Variants in FSTL4 observed in about 807,000 individuals in gnomAD.
The protein encoded by FSTL4 is follistatin-related protein 4.
FSTL4 carries 28 observed loss-of-function variants against 78.2 expected under a neutral mutation model. The ratio of observed to expected loss-of-function variants is 0.36; its 90% CI spans 0.27 to 0.49. FSTL4 has a LOEUF of 0.49. Ranked by LOEUF, FSTL4 falls within the 20% of genes least tolerant of loss-of-function variation. FSTL4 has a pLI of 0.98. For synonymous variants in FSTL4, 422 were observed against 440.5 expected (o/e 0.96, Z 0.53); for missense variants, 922 against 1,084.9 (o/e 0.85, Z 2.11).
chr5:133,500,629 T>C (rs1758474317), intron 3 of FSTL4, among the ~76,000 whole-genome samples: 1 of 152,206 alleles, frequency 6.6e-6, no homozygotes. Flanking sequence ...ATGAAGGTGT[T>C]AATTTTCCAA....
the FSTL4 span, among the ~76,000 whole-genome samples, chr5:133,694,514 C>T: frequency 6.6e-6 from 1 of 152,266 alleles, no homozygotes; most frequent in African/African-American, 2.4e-5. Flanking sequence ...TTCCTCTTCT[C>T]CTGGCGCTCA....
At chr5:133,301,173 C>T (rs1753529856) in intron 6 of FSTL4, among the ~76,000 whole-genome samples, 1 of 152,182 alleles carries the variant, frequency 6.6e-6, no homozygotes, top group African/African-American at 2.4e-5. Context: ...CAGAGTCACA[C>T]ATCATGGGGG....
At chr5:133,806,311 A>T in the FSTL4 span, among the ~76,000 whole-genome samples, 1 of 152,160 alleles carries the variant, frequency 6.6e-6, no homozygotes, top group African/African-American at 2.4e-5. Context: ...GAAAGCAGAG[A>T]GTTGGCCCAT....
rs560153644 is a variant in FSTL4, at chr5:133,199,665, G to A, written c.1959C>T (p.Gly653=). Residue 653 remains glycine (G), a synonymous_variant, in exon 16 of 16, where the codon GGC becomes GGT. Transcript: ENST00000265342. The surrounding 1 kb of genome is among the most constrained non-coding windows in gnomAD (Gnocchi z 4.4). The part of the protein sequence containing the change: ...VPQAMAHTHL[G]GYFFIQCRQD... ...GTCGGCACTGGATGAAGAAGTAGCC[G>A]CCCAGGTGGGTGTGTGCCATGGCCT... 23 of 1,614,150 alleles carry A rather than the reference G, an allele frequency of 1.4e-5. No homozygotes were observed. The highest frequency in any genetic ancestry group is 3.3e-4 in the Middle Eastern group (2 of 6,062).
At chr5:133,546,128 G>A (rs1230722573) in intron 3 of FSTL4, among the ~76,000 whole-genome samples, 1 of 152,160 alleles carries the variant, frequency 6.6e-6, no homozygotes, top group African/African-American at 2.4e-5. Flanking sequence ...AGTGAGAGAG[G>A]AAAAAGTGAC....
the FSTL4 span, among the ~76,000 whole-genome samples, chr5:133,673,506 A>G: frequency 2.0e-5 from 3 of 152,216 alleles, no homozygotes; most frequent in African/African-American, 7.2e-5. Context: ...AAACCGCTTC[A>G]ACTCAAAGGT....
At chr5:133,303,572 G>A (rs375663783) in intron 6 of FSTL4, among the ~76,000 whole-genome samples, 24 of 152,276 alleles carry the variant, frequency 1.6e-4, no homozygotes, top group Admixed American at 5.2e-4. Flanking sequence ...ACTATGTCCC[G>A]TGTGAGTGGA....
chr5:133,435,634 G>C (rs1757019646), intron 3 of FSTL4, among the ~76,000 whole-genome samples: 1 of 152,138 alleles, frequency 6.6e-6, no homozygotes, highest in African/African-American at 2.4e-5. Flanking sequence ...TGCTGTGTTA[G>C]GTTAGCACTA....
chr5:133,524,794 A>T (rs1218263876), intron 3 of FSTL4, among the ~76,000 whole-genome samples: 1 of 152,208 alleles, frequency 6.6e-6, no homozygotes, highest in Non-Finnish European at 1.5e-5. Context: ...AAAGGCAGCC[A>T]TCCCGCTGCC....
At chr5:133,540,471 C>CG (rs1459175178) in intron 3 of FSTL4, among the ~76,000 whole-genome samples, 1 of 152,056 alleles carries the variant, frequency 6.6e-6, no homozygotes, top group East Asian at 1.9e-4. Flanking sequence ...AAAAGTCCTC[C>CG]TTTTTTTCCT....
chr5:133,662,456 C>T, the FSTL4 span, among the ~76,000 whole-genome samples: 3 of 152,150 alleles, frequency 2.0e-5, no homozygotes, highest in Non-Finnish European at 2.9e-5. Context: ...TCAGACAACC[C>T]TAGCATACAG....
At chr5:133,380,259 C>CA (rs59233042) in intron 4 of FSTL4, among the ~76,000 whole-genome samples, 5,502 of 144,738 alleles carry the variant, frequency 0.038, 293 homozygotes, top group African/African-American at 0.12. Flanking sequence ...TTGGTTCTTT[C>CA]AAAAAAAAAA....
At chr5:133,702,759 A>G in the FSTL4 span, among the ~76,000 whole-genome samples, 1 of 152,208 alleles carries the variant, frequency 6.6e-6, no homozygotes, top group Non-Finnish European at 1.5e-5. Flanking sequence ...GTTAGGTAAA[A>G]TCTTGGAGAG....
chr5:133,413,701 A>G lies in FSTL4; in HGVS notation c.161-12715T>C, dbSNP rs894408362. On this transcript the variant is annotated intron_variant, in intron 3 of 15. Transcript: ENST00000265342. ...CTACAAATTTTCATTCTATTTAAGT[A>G]TCTCTTATCTCTTTCGCATTTCCCA... Among the ~76,000 whole-genome samples the G allele has an allele frequency of 3.9e-5, 6 of 152,054 alleles. No homozygotes were observed. The East Asian group carries it at 1.2e-3, about 29-fold the overall frequency.
At chr5:133,366,601 T>C (rs146740741) in intron 4 of FSTL4, among the ~76,000 whole-genome samples, 2 of 152,204 alleles carry the variant, frequency 1.3e-5, no homozygotes, top group Non-Finnish European at 2.9e-5. Flanking sequence ...TGCTTCCCCA[T>C]GTCCCTTTCC....
In FSTL4 at chr5:133,611,617, T is replaced by C. The variant is rs979339523; in HGVS notation, c.-11+708A>G. 1.3e-5 allele frequency among the ~76,000 whole-genome samples: 2 copies of C among 152,082 alleles called. No individual in the cohort carries two copies. The highest frequency in any genetic ancestry group is 4.8e-5 in the African/African-American group (2 of 41,426). ...CCAACACACTGCTCCCTAGACACGT[T>C]CAAGCGGGTACCCCGGGCCGCTCAC... On this transcript the variant is annotated intron_variant, in intron 1 of 15. Coordinates refer to ENST00000265342, the MANE Select transcript of FSTL4 (RefSeq NM_015082.2). The surrounding 1 kb of genome is among the most constrained non-coding windows in gnomAD (Gnocchi z 4.9).
In FSTL4 at chr5:133,210,221, C is replaced by G; in HGVS notation, c.1686G>C (p.Gly562=). ...SHDQVWVLSW[G]DVHKSRPSLQ... Reference sequence around the variant, plus strand: ...GACTTGGTCGGGACTTGTGCACGTCCCCCCAGCTCAGGACCCACACTTGGT... The same window carrying G: ...GACTTGGTCGGGACTTGTGCACGTCGCCCCAGCTCAGGACCCACACTTGGT... The change falls in exon 14 of 16, where the codon GGG becomes GGC. Residue 562 remains glycine (G), a synonymous_variant. Transcript: ENST00000265342. 1 of 1,610,660 alleles carries G rather than the reference C, an allele frequency of 6.2e-7. No homozygotes were observed. The highest frequency in any genetic ancestry group is 8.5e-7 in the Non-Finnish European group (1 of 1,177,032).
At chr5:133,292,696 C>A (rs1753294167) in intron 6 of FSTL4, among the ~76,000 whole-genome samples, 1 of 150,784 alleles carries the variant, frequency 6.6e-6, no homozygotes, top group Admixed American at 6.6e-5. Context: ...AGCCTGCCCC[C>A]ACAAGTTATG....
intron 1 of FSTL4, among the ~76,000 whole-genome samples, chr5:133,605,487 C>G (rs879332629): frequency 1.3e-5 from 2 of 152,216 alleles, no homozygotes; most frequent in Admixed American, 1.3e-4. Flanking sequence ...TGGAAGTTGT[C>G]ACATAGTCAC....
Sources: gnomAD v4.1 joint callset for allele counts (sites outside exome capture counted in the v4.1 genomes callset) on GRCh38, gnomAD v4.1.1 for gene constraint, Gnocchi (gnomAD v3.1) non-coding constraint, MANE v1.5 for transcripts, NCBI Gene and HGNC (gene_info 2026-07-23, HGNC 2026-07-21) for gene names.